FKBP5: variants seen among roughly 807,000 people sequenced by gnomAD.
FKBP5 encodes the protein FKBP prolyl isomerase 5, also known as peptidyl-prolyl cis-trans isomerase FKBP5.
Under a neutral mutation model 50.5 loss-of-function variants are expected in FKBP5, and 23 were observed. The ratio of observed to expected loss-of-function variants is 0.46; its 90% CI spans 0.33 to 0.65. The LOEUF is 0.65. FKBP5 is among the 30% of genes least tolerant of loss of function. The pLI, the probability that FKBP5 is intolerant of heterozygous loss-of-function variation, is 0.02. For synonymous variants in FKBP5, 176 were observed against 190.6 expected, an observed-to-expected ratio of 0.92 and a Z score of 0.63; for missense variants, 411 against 553.1, an observed-to-expected ratio of 0.74 and a Z score of 2.58.
At chr6:35,673,812 C>T (rs1405767089) in intron 1 of FKBP5, among the ~76,000 whole-genome samples, 1 of 152,054 alleles carries the variant, frequency 6.6e-6, no homozygotes, top group Non-Finnish European at 1.5e-5. Flanking sequence ...ATAGTAATAA[C>T]AGAAAATTTA....
At chr6:35,670,453 A>T (rs890027306) in intron 1 of FKBP5, among the ~76,000 whole-genome samples, 10 of 152,096 alleles carry the variant, frequency 6.6e-5, no homozygotes, top group Non-Finnish European at 1.3e-4. Flanking sequence ...TTAAATTCTC[A>T]GTGGGCACGG....
chr6:35,586,237 G>A (rs1247377808), intron 8 of FKBP5: 16 of 984,982 alleles, frequency 1.6e-5, no homozygotes, highest in Non-Finnish European at 1.7e-5. Context: ...TACATCTAGA[G>A]GTTTAAGATC....
rs145886162 is a variant in FKBP5, at chr6:35,580,201, C to T, written c.861G>A (p.Ala287=). Residue 287 remains alanine, a synonymous_variant, in exon 9 of 11, where the codon GCG becomes GCA. Transcript: ENST00000357266. ...VYFKGGKYMQ[A]VIQYGKIVSW... Reference sequence around the variant, plus strand: ...ACACTATCTTCCCATACTGAATCACCGCCTGCATGTATTTGCCTCCCTAGG... The same window carrying T: ...ACACTATCTTCCCATACTGAATCACTGCCTGCATGTATTTGCCTCCCTAGG... 7.3e-5 allele frequency: 118 copies of T among 1,612,834 alleles called. No homozygotes were observed. The highest frequency in any genetic ancestry group is 4.9e-4 in the Middle Eastern group (3 of 6,082).
intron 5 of FKBP5, among the ~76,000 whole-genome samples, chr6:35,617,296 GT>G (rs1289241769): frequency 1.1e-4 from 16 of 152,036 alleles, no homozygotes; most frequent in South Asian, 1.0e-3. Flanking sequence ...AGCTATTCTT[GT>G]TTTCTGTTTA....
intron 1 of FKBP5, among the ~76,000 whole-genome samples, chr6:35,728,154 G>T (rs1766760576): frequency 1.3e-5 from 2 of 152,232 alleles, no homozygotes; most frequent in African/African-American, 4.8e-5. Context: ...GGGCGAGCGC[G>T]AGCGAGAACA....
chr6:35,720,047 G>T (rs556383709), intron 2 of FKBP5, among the ~76,000 whole-genome samples: 2 of 152,206 alleles, frequency 1.3e-5, no homozygotes, highest in African/African-American at 2.4e-5. Flanking sequence ...GAAGCAGCTC[G>T]GCAGTTGGGG....
At chr6:35,603,638 A>ATT (rs34364427) in intron 5 of FKBP5, among the ~76,000 whole-genome samples, 1 of 146,496 alleles carries the variant, frequency 6.8e-6, no homozygotes, top group African/African-American at 2.5e-5. Flanking sequence ...ATTGGCTGGA[A>ATT]TTTTTTTTTT....
At chr6:35,627,529 G>T (rs1326861862) in intron 3 of FKBP5, among the ~76,000 whole-genome samples, 3 of 152,110 alleles carry the variant, frequency 2.0e-5, no homozygotes, top group African/African-American at 4.8e-5. Flanking sequence ...TCCCTTATCA[G>T]ATATAAGATT....
intron 5 of FKBP5, among the ~76,000 whole-genome samples, chr6:35,599,580 T>G (rs1354453284): frequency 6.6e-6 from 1 of 152,198 alleles, no homozygotes; most frequent in Non-Finnish European, 1.5e-5. Context: ...TCACCAGTAT[T>G]AATACCATCT....
chr6:35,722,092 AC>A (rs56362135), intron 1 of FKBP5, among the ~76,000 whole-genome samples: 32,771 of 151,318 alleles, frequency 0.22, 3,846 homozygotes, highest in African/African-American at 0.29. Flanking sequence ...TACTCAGCAG[AC>A]CCCCCATCAC....
chr6:35,620,059 C>A, intron 4 of FKBP5, 73 bp downstream of exon 4: 3 of 1,567,350 alleles, frequency 1.9e-6, no homozygotes, highest in Non-Finnish European at 2.6e-6. Flanking sequence ...CTCCTTTTCC[C>A]ACTGCCTGTT....
chr6:35,724,183 G>A (rs962793956), intron 1 of FKBP5, among the ~76,000 whole-genome samples: 27 of 152,198 alleles, frequency 1.8e-4, no homozygotes, highest in Admixed American at 1.8e-3. Context: ...GCTGCAGATA[G>A]ACCTGACTTC....
rs545409205 is a variant in FKBP5 at position 35,622,965 on chromosome 6, G to A, written c.251-2691C>T. Among the ~76,000 whole-genome samples, 99 of 152,202 alleles carry A rather than the reference G, an allele frequency of 6.5e-4. 1 individual carries two copies. The highest frequency in any genetic ancestry group is 6.8e-3 in the Middle Eastern group (2 of 294). On this transcript the variant is annotated intron_variant, in intron 3 of 10. Transcript: ENST00000357266. ...GTTTTAAGAATTATTAGATAAGGCC[G>A]GGCGTGGTGGCTCACGCCTGTAATC...
chr6:35,583,556 CA>C, intron 8 of FKBP5: 2 of 985,442 alleles, frequency 2.0e-6, no homozygotes, highest in Non-Finnish European at 2.4e-6. Context: ...GGTACTAAAG[CA>C]GTTCTCAACT....
chr6:35,618,845 C>G (rs920774689), intron 5 of FKBP5, among the ~76,000 whole-genome samples: 5 of 152,062 alleles, frequency 3.3e-5, no homozygotes, highest in African/African-American at 4.8e-5. Context: ...CAGGCGTGCA[C>G]CACCACACCT....
intron 7 of FKBP5, among the ~76,000 whole-genome samples, chr6:35,589,324 T>C (rs1454509563): frequency 6.6e-6 from 1 of 151,696 alleles, no homozygotes; most frequent in East Asian, 1.9e-4. Flanking sequence ...AGATGGGTTT[T>C]CACCATGTTG....
intron 9 of FKBP5, among the ~76,000 whole-genome samples, chr6:35,578,417 A>G (rs1241261343): frequency 2.0e-5 from 3 of 152,170 alleles, no homozygotes; most frequent in African/African-American, 7.2e-5. Flanking sequence ...GGAGACGACA[A>G]ATCTGACTAC....
At chr6:35,681,006 T>C (rs1179937815) in intron 1 of FKBP5, among the ~76,000 whole-genome samples, 1 of 152,234 alleles carries the variant, frequency 6.6e-6, no homozygotes, top group African/African-American at 2.4e-5. Flanking sequence ...GTCATGAGTC[T>C]TTAGTGAAAA....
At chr6:35,609,877 T>C (rs1222524761) in intron 5 of FKBP5, among the ~76,000 whole-genome samples, 1 of 152,252 alleles carries the variant, frequency 6.6e-6, no homozygotes, top group African/African-American at 2.4e-5. Flanking sequence ...TCTGATGTCC[T>C]GTTAACAATT....
Sources: gnomAD v4.1 joint callset for allele counts (sites outside exome capture counted in the v4.1 genomes callset) on GRCh38, gnomAD v4.1.1 for gene constraint, MANE v1.5 for transcripts, NCBI Gene and HGNC (gene_info 2026-07-23, HGNC 2026-07-21) for gene names.